Variants in FBXO4 observed in about 807,000 individuals in gnomAD.
FBXO4 encodes F-box only protein 4.
Under a neutral mutation model 43.7 loss-of-function variants are expected in FBXO4, and 36 were observed. That is an observed-to-expected ratio of 0.82 (90% CI 0.63 to 1.09). FBXO4 has a LOEUF of 1.09. Ranked by LOEUF, FBXO4 falls within the 50% of genes least tolerant of loss-of-function variation. FBXO4 has a pLI of 0.00. For synonymous variants in FBXO4, 180 were observed against 165.6 expected, an observed-to-expected ratio of 1.09 and a Z score of -0.67; for missense variants, 435 against 474.1, an observed-to-expected ratio of 0.92 and a Z score of 0.77.
chr5:41,984,473 C>G, the FBXO4 span, among the ~76,000 whole-genome samples: 1 of 152,252 alleles, frequency 6.6e-6, no homozygotes, highest in Admixed American at 6.5e-5. Flanking sequence ...TGTTATATTA[C>G]AGGGACATAA....
the FBXO4 span, among the ~76,000 whole-genome samples, chr5:41,950,001 T>C: frequency 6.6e-6 from 1 of 152,198 alleles, no homozygotes; most frequent in African/African-American, 2.4e-5. Flanking sequence ...TTGGGAAAAC[T>C]GGCTAGCTGT....
the FBXO4 span, among the ~76,000 whole-genome samples, chr5:42,020,754 T>A: frequency 6.6e-6 from 1 of 152,166 alleles, no homozygotes; most frequent in Non-Finnish European, 1.5e-5. Flanking sequence ...ACCGGCAGTA[T>A]GGCCTCCACT....
chr5:41,954,782 G>A, the FBXO4 span, among the ~76,000 whole-genome samples: 1 of 152,114 alleles, frequency 6.6e-6, no homozygotes, highest in Non-Finnish European at 1.5e-5. Flanking sequence ...CAAAAAGGGA[G>A]ACGTCAGAAA....
chr5:42,014,212 T>C, the FBXO4 span, among the ~76,000 whole-genome samples: 2 of 152,172 alleles, frequency 1.3e-5, no homozygotes, highest in African/African-American at 4.8e-5. Flanking sequence ...GGTCTATTCA[T>C]TGTGATTTTT....
chr5:41,960,369 A>G, the FBXO4 span, among the ~76,000 whole-genome samples: 2 of 152,070 alleles, frequency 1.3e-5, no homozygotes, highest in Non-Finnish European at 2.9e-5. Context: ...TGCTCTGTCT[A>G]TAAATTCCAG....
At chr5:41,942,228 T>G (rs1752017175), downstream of FBXO4, among the ~76,000 whole-genome samples, 1 of 152,118 alleles carries the variant, frequency 6.6e-6, no homozygotes, top group African/African-American at 2.4e-5. Context: ...AATGGACTAT[T>G]GGGTTTAGGA....
downstream of FBXO4, among the ~76,000 whole-genome samples, chr5:41,943,646 G>T (rs1408473050): frequency 6.6e-6 from 1 of 152,088 alleles, no homozygotes; most frequent in Admixed American, 6.5e-5. Context: ...TATAAAAAGT[G>T]TCACTGTTTA....
the FBXO4 span, among the ~76,000 whole-genome samples, chr5:41,978,526 G>A: frequency 5.3e-5 from 8 of 151,846 alleles, no homozygotes; most frequent in Non-Finnish European, 1.0e-4. Context: ...GTTTTTTTAG[G>A]GTTCTTTCTA....
At chr5:41,981,733 T>C in the FBXO4 span, among the ~76,000 whole-genome samples, 13 of 151,660 alleles carry the variant, frequency 8.6e-5, no homozygotes, top group African/African-American at 3.1e-4. Context: ...TTGGTTTTTT[T>C]TTTTTGCTTT....
chr5:42,009,071 A>G, the FBXO4 span, among the ~76,000 whole-genome samples: 3 of 152,150 alleles, frequency 2.0e-5, no homozygotes, highest in Non-Finnish European at 2.9e-5. Context: ...TAGACTTTCA[A>G]TAGGTAATCT....
the FBXO4 span, among the ~76,000 whole-genome samples, chr5:41,961,731 G>A: frequency 6.6e-6 from 1 of 152,160 alleles, no homozygotes; most frequent in African/African-American, 2.4e-5. Context: ...CTTATGGGCA[G>A]GGCACTTGTA....
chr5:41,945,578 T>G (rs1263604473), downstream of FBXO4, among the ~76,000 whole-genome samples: 5 of 152,188 alleles, frequency 3.3e-5, no homozygotes, highest in African/African-American at 1.2e-4. Flanking sequence ...AGCCTATGAA[T>G]GGACATGCAG....
chr5:42,022,643 T>C, the FBXO4 span, among the ~76,000 whole-genome samples: 10 of 152,262 alleles, frequency 6.6e-5, no homozygotes, highest in Admixed American at 3.9e-4. Flanking sequence ...CATTATCTTA[T>C]AGACATAATT....
chr5:41,970,548 T>C, the FBXO4 span, among the ~76,000 whole-genome samples: 1 of 151,780 alleles, frequency 6.6e-6, no homozygotes, highest in Admixed American at 6.6e-5. Context: ...AAATGATTGA[T>C]GATAAACTGG....
chr5:41,946,437 G>A (rs1035333016), downstream of FBXO4, among the ~76,000 whole-genome samples: 3 of 152,178 alleles, frequency 2.0e-5, no homozygotes, highest in Non-Finnish European at 4.4e-5. Flanking sequence ...TTAGCTGGTC[G>A]AATAATATGC....
At chr5:41,932,239 G>C (rs1456847786) in intron 3 of FBXO4, among the ~76,000 whole-genome samples, 1 of 152,210 alleles carries the variant, frequency 6.6e-6, no homozygotes, top group Non-Finnish European at 1.5e-5. Context: ...TGGCAAAGAA[G>C]GGCAGAACAG....
At chr5:41,949,064 C>G in the FBXO4 span, among the ~76,000 whole-genome samples, 3 of 152,174 alleles carry the variant, frequency 2.0e-5, no homozygotes, top group African/African-American at 4.8e-5. Flanking sequence ...GAACATATCT[C>G]AAAATAATAA....
At chr5:41,944,958 TGA>T (rs1752056187), downstream of FBXO4, among the ~76,000 whole-genome samples, 1 of 152,246 alleles carries the variant, frequency 6.6e-6, no homozygotes. Flanking sequence ...GCAGAAGTGA[TGA>T]GAGTCTGGGG....
At chr5:42,019,069 A>T in the FBXO4 span, among the ~76,000 whole-genome samples, 1 of 152,176 alleles carries the variant, frequency 6.6e-6, no homozygotes, top group South Asian at 2.1e-4. Flanking sequence ...TGAAGAATTG[A>T]ATTTTTAATT....
Sources: allele counts gnomAD v4.1 joint callset (sites outside exome capture counted in the v4.1 genomes callset), GRCh38; gene constraint gnomAD v4.1.1; transcripts MANE v1.5; gene names NCBI Gene and HGNC (gene_info 2026-07-23, HGNC 2026-07-21).